Variants in FRYL observed in about 807,000 individuals in gnomAD.
FRYL encodes the protein FRY like transcription coactivator, also known as protein furry homolog-like.
FRYL carries 150 observed loss-of-function variants against 351.2 expected under a neutral mutation model. That is an observed-to-expected ratio of 0.43 (90% CI 0.37 to 0.49). FRYL has a LOEUF of 0.49. FRYL is among the 20% of genes least tolerant of loss of function. FRYL has a pLI of 0.00. For missense variants in FRYL, 3,036 were observed against 3,619.3 expected, an observed-to-expected ratio of 0.84 and a Z score of 4.13; for synonymous variants, 1,153 against 1,257.1, an observed-to-expected ratio of 0.92 and a Z score of 1.75.
chr4:48,726,169 C>CT (rs2149616697), intron 1 of FRYL, among the ~76,000 whole-genome samples: 1 of 152,298 alleles, frequency 6.6e-6, no homozygotes, highest in African/African-American at 2.4e-5. Context: ...ACCAAACCAG[C>CT]ACCTGCAATC....
intron 1 of FRYL, among the ~76,000 whole-genome samples, chr4:48,713,552 A>T (rs1428515997): frequency 6.6e-6 from 1 of 152,210 alleles, no homozygotes; most frequent in Non-Finnish European, 1.5e-5. Context: ...AAAGGGATCA[A>T]TTCAACAAGA....
intron 2 of FRYL, among the ~76,000 whole-genome samples, chr4:48,695,775 T>C (rs999773828): frequency 2.0e-5 from 3 of 152,116 alleles, no homozygotes; most frequent in African/African-American, 7.2e-5. Context: ...TTTTGCAAGC[T>C]ACCCATCTGA....
chr4:48,667,469 T>C (rs1387099391), intron 3 of FRYL, among the ~76,000 whole-genome samples: 2 of 146,586 alleles, frequency 1.4e-5, no homozygotes, highest in Non-Finnish European at 3.0e-5. Context: ...ATTTTAGCAA[T>C]CATTTATCAT....
chr4:48,759,945 G>C (rs769045904), intron 1 of FRYL, among the ~76,000 whole-genome samples: 13 of 152,136 alleles, frequency 8.5e-5, no homozygotes, highest in African/African-American at 2.2e-4. Flanking sequence ...GACATCTTTG[G>C]AGGGCTCCTA....
At chr4:48,514,013 C>G (rs976236570) in intron 56 of FRYL, among the ~76,000 whole-genome samples, 3 of 152,066 alleles carry the variant, frequency 2.0e-5, no homozygotes, top group Non-Finnish European at 4.4e-5. Flanking sequence ...AGGTGTATCA[C>G]TAAGATTTAT....
chr4:48,571,927 T>C (rs1738415766), intron 26 of FRYL: 1 of 985,136 alleles, frequency 1.0e-6, no homozygotes, highest in East Asian at 1.1e-4. Context: ...ACTGCTATTT[T>C]GTTTTGTTTC....
intron 40 of FRYL, 145 bp from the exon 41 acceptor site, chr4:48,547,914 G>A: frequency 2.0e-6 from 1 of 506,802 alleles, no homozygotes; most frequent in Non-Finnish European, 3.3e-6. Flanking sequence ...TTGCCCTAGA[G>A]TTCTTATATA....
intron 2 of FRYL, among the ~76,000 whole-genome samples, chr4:48,707,958 C>G (rs1042142410): frequency 6.6e-6 from 1 of 151,486 alleles, no homozygotes; most frequent in Non-Finnish European, 1.5e-5. Context: ...GTAGCTCGGA[C>G]TATAGGCACG....
intron 3 of FRYL, among the ~76,000 whole-genome samples, chr4:48,651,213 CGTGTGTGTGTGTGTGTGTGT>C (rs10604700): frequency 6.7e-5 from 7 of 104,962 alleles, no homozygotes; most frequent in South Asian, 3.7e-4. Flanking sequence ...CCACATGCAC[CGTGTGTGTGTGTGTGTGTGT>C]GTGTGTGTGT....
chr4:48,694,005 G>T (rs1358303513), intron 2 of FRYL, among the ~76,000 whole-genome samples: 1 of 4,814 alleles, frequency 2.1e-4, no homozygotes, highest in Non-Finnish European at 0.01. Context: ...TTTGCCCAAA[G>T]GCTGCAAGGA....
intron 1 of FRYL, among the ~76,000 whole-genome samples, chr4:48,714,800 C>A (rs1315356612): frequency 1.3e-5 from 2 of 150,508 alleles, no homozygotes; most frequent in Non-Finnish European, 3.0e-5. Flanking sequence ...GATACCAAAG[C>A]CGGGCAGAGA....
intron 44 of FRYL, among the ~76,000 whole-genome samples, chr4:48,542,800 T>A (rs1730520638): frequency 6.6e-6 from 1 of 152,158 alleles, no homozygotes; most frequent in South Asian, 2.1e-4. Context: ...GCTACCACCA[T>A]TTCAGCTGGA....
chr4:48,757,628 G>A (rs1773933971), intron 1 of FRYL, among the ~76,000 whole-genome samples: 1 of 152,150 alleles, frequency 6.6e-6, no homozygotes, highest in African/African-American at 2.4e-5. Context: ...ATGCTCATGG[G>A]TAGGAAGAAT....
intron 1 of FRYL, among the ~76,000 whole-genome samples, chr4:48,719,554 A>G (rs1431204078): frequency 6.6e-6 from 1 of 151,732 alleles, no homozygotes; most frequent in Non-Finnish European, 1.5e-5. Context: ...CTTGTTCACT[A>G]AAGACAATTA....
At chr4:48,702,182 A>G (rs1311754225) in intron 2 of FRYL, among the ~76,000 whole-genome samples, 6 of 152,050 alleles carry the variant, frequency 3.9e-5, no homozygotes, top group Admixed American at 3.3e-4. Flanking sequence ...TAGGCCAGGT[A>G]TGGTGGCTCA....
chr4:48,521,697 C>T (rs960123977), intron 54 of FRYL, among the ~76,000 whole-genome samples: 13 of 152,166 alleles, frequency 8.5e-5, no homozygotes, highest in African/African-American at 2.7e-4. Flanking sequence ...AACTAATACA[C>T]GTAAAACACC....
chr4:48,523,529 G>A (rs1725336591), intron 53 of FRYL: 1 of 157,052 alleles, frequency 6.4e-6, no homozygotes, highest in South Asian at 1.9e-4. Context: ...CACAGAATTA[G>A]AAAAAAACGA....
chr4:48,565,892 T>C (rs1417965664), intron 28 of FRYL, among the ~76,000 whole-genome samples: 2 of 152,194 alleles, frequency 1.3e-5, no homozygotes, highest in Non-Finnish European at 2.9e-5. Flanking sequence ...TGTCACCCTG[T>C]CCCAGCATTA....
At chr4:48,745,702 T>C (rs1166370091) in intron 1 of FRYL, among the ~76,000 whole-genome samples, 3 of 152,074 alleles carry the variant, frequency 2.0e-5, no homozygotes, top group East Asian at 1.9e-4. Context: ...TGTATACATA[T>C]GTAACAAACC....
Sources: gnomAD v4.1 joint callset for allele counts (sites outside exome capture counted in the v4.1 genomes callset) on GRCh38, gnomAD v4.1.1 for gene constraint, MANE v1.5 for transcripts, NCBI Gene and HGNC (gene_info 2026-07-23, HGNC 2026-07-21) for gene names.